Variants in XYLT1 observed in about 807,000 individuals in gnomAD.
XYLT1 encodes the protein beta-D-xylosyltransferase 1.
In XYLT1, 36 loss-of-function variants were observed where a neutral mutation model predicts 91.3. The ratio of observed to expected loss-of-function variants is 0.39; its 90% CI spans 0.30 to 0.52. XYLT1 has a LOEUF of 0.52. XYLT1 is among the 20% of genes least tolerant of loss of function. XYLT1 has a pLI of 0.68. For synonymous variants in XYLT1, 588 were observed against 532.0 expected (o/e 1.11, Z -1.45); for missense variants, 1,242 against 1,284.5 (o/e 0.97, Z 0.51).
intron 2 of XYLT1, among the ~76,000 whole-genome samples, chr16:17,309,206 G>A (rs1307127256): frequency 6.6e-6 from 1 of 152,138 alleles, no homozygotes; most frequent in Non-Finnish European, 1.5e-5. Flanking sequence ...CCTATGCAGT[G>A]TAGGATGTTG....
At chr16:17,111,290 G>A (rs1393018013) in intron 11 of XYLT1, among the ~76,000 whole-genome samples, 1 of 152,204 alleles carries the variant, frequency 6.6e-6, no homozygotes, top group African/African-American at 2.4e-5. Context: ...AATTTGGGGT[G>A]AAGGAAAGAA....
intron 2 of XYLT1, among the ~76,000 whole-genome samples, chr16:17,283,461 C>T (rs145066521): frequency 3.3e-4 from 51 of 152,250 alleles, no homozygotes; most frequent in South Asian, 4.1e-4. Flanking sequence ...TACACACACA[C>T]GCATGTGCAC....
At chr16:17,422,822 A>C (rs1390227734) in intron 1 of XYLT1, among the ~76,000 whole-genome samples, 3 of 152,118 alleles carry the variant, frequency 2.0e-5, no homozygotes, top group Non-Finnish European at 4.4e-5. Context: ...GGCCTCACAG[A>C]TATTTTTTAT....
chr16:17,120,913 CTCTACCAATCTGTCACATTA>C (rs2030028963), intron 10 of XYLT1, among the ~76,000 whole-genome samples: 1 of 152,220 alleles, frequency 6.6e-6, no homozygotes, highest in African/African-American at 2.4e-5. Flanking sequence ...TATCATCTAT[CTCTACCAATCTGTCACATTA>C]ATCTGTCAAC....
At chr16:17,401,574 G>C (rs981570228) in intron 1 of XYLT1, among the ~76,000 whole-genome samples, 10 of 152,088 alleles carry the variant, frequency 6.6e-5, no homozygotes, top group African/African-American at 2.4e-4. Flanking sequence ...CTTTGTCTCT[G>C]TTCCTATATC....
At chr16:17,236,020 C>A (rs887923496) in intron 3 of XYLT1, among the ~76,000 whole-genome samples, 1 of 152,142 alleles carries the variant, frequency 6.6e-6, no homozygotes, top group African/African-American at 2.4e-5. Context: ...GAGTGCGCCA[C>A]CACACCCAGC....
At chr16:17,380,601 T>C (rs1374712690) in intron 1 of XYLT1, among the ~76,000 whole-genome samples, 1 of 152,144 alleles carries the variant, frequency 6.6e-6, no homozygotes, top group Non-Finnish European at 1.5e-5. Flanking sequence ...AAATTAAATA[T>C]AGAAAAACTA....
At chr16:17,336,767 C>T (rs574864636) in intron 2 of XYLT1, among the ~76,000 whole-genome samples, 8 of 152,180 alleles carry the variant, frequency 5.3e-5, no homozygotes, top group Non-Finnish European at 1.0e-4. Context: ...CAGGGACTTT[C>T]GTATGTGTGT....
intron 10 of XYLT1, among the ~76,000 whole-genome samples, chr16:17,119,757 A>G (rs4453464): frequency 0.67 from 101,124 of 152,048 alleles, 34,274 homozygotes; most frequent in Non-Finnish European, 0.72. Flanking sequence ...CGCTATGGTC[A>G]GAGGGGGCAG....
intron 8 of XYLT1, 138 bp downstream of exon 8, chr16:17,138,206 TTGTTGATACTG>T (rs1445425351): frequency 2.3e-6 from 2 of 859,850 alleles, no homozygotes; most frequent in Non-Finnish European, 3.4e-6. Context: ...ACACTGGCTA[TTGTTGATACTG>T]TTAACTATTA....
At position 17,105,357 on chromosome 16, in the gene XYLT1, C is replaced by T. The variant is rs563882439; in HGVS notation, c.*3338G>A. On this transcript the variant is annotated 3_prime_UTR_variant, in exon 12 of 12. Transcript: ENST00000261381. ...GCTCATCCTCTCTAAACTCCATTTG[C>T]GTTTTAGAAGTTAAACCCACAATGA... is the stretch of plus-strand genomic sequence containing the variant. 2 of 152,172 alleles carry T rather than the reference C, an allele frequency of 1.3e-5. No homozygotes were observed. The highest frequency in any genetic ancestry group is 4.8e-5 in the African/African-American group (2 of 41,432). 9.4% of individuals were successfully genotyped at this position (152,172 alleles called of 1,614,324 possible). A position where few individuals can be genotyped will look rare whatever the true frequency, so the allele number is the denominator to read the frequency against.
At chr16:17,138,773 T>TAAC (rs1273006354) in intron 7 of XYLT1, 4 of 458,818 alleles carry the variant, frequency 8.7e-6, no homozygotes, top group African/African-American at 1.9e-5. Context: ...CAAAAATGTA[T>TAAC]AACACAACTA....
intron 3 of XYLT1, among the ~76,000 whole-genome samples, chr16:17,245,075 A>G (rs1262598098): frequency 6.6e-6 from 1 of 152,202 alleles, no homozygotes; most frequent in Non-Finnish European, 1.5e-5. Flanking sequence ...CTAAAGAAAA[A>G]CAAAAATGTA....
intron 1 of XYLT1, among the ~76,000 whole-genome samples, chr16:17,402,855 T>G (rs1225950797): frequency 6.6e-6 from 1 of 152,000 alleles, no homozygotes; most frequent in Non-Finnish European, 1.5e-5. Flanking sequence ...CAATCCTGCT[T>G]CAGCTTCCTG....
intron 1 of XYLT1, among the ~76,000 whole-genome samples, chr16:17,469,039 C>T (rs975512675): frequency 1.3e-5 from 2 of 152,146 alleles, no homozygotes; most frequent in African/African-American, 4.8e-5. Flanking sequence ...CACTATTCTC[C>T]CCGCAAATGA....
chr16:17,132,028 G>A (rs1054786553), intron 9 of XYLT1, among the ~76,000 whole-genome samples: 16 of 606 alleles, frequency 0.026, no homozygotes, highest in African/African-American at 0.061. Flanking sequence ...TGAATACTAG[G>A]GAGCAACCTT....
At chr16:17,396,616 A>T (rs1310106036) in intron 1 of XYLT1, among the ~76,000 whole-genome samples, 4 of 152,206 alleles carry the variant, frequency 2.6e-5, no homozygotes, top group Non-Finnish European at 5.9e-5. Flanking sequence ...CACGCCTATA[A>T]TCCCAACACT....
chr16:17,132,483 T>A (rs1020424195), intron 9 of XYLT1, among the ~76,000 whole-genome samples: 8 of 149,866 alleles, frequency 5.3e-5, no homozygotes, highest in African/African-American at 1.7e-4. Flanking sequence ...TGCATCATAA[T>A]GGCAACTGGC....
Position 17,469,352 on chromosome 16 carries a change from G to C in XYLT1, c.363+1082C>G, listed in dbSNP as rs564570524. On this transcript the variant is annotated intron_variant, in intron 1 of 11. Coordinates refer to ENST00000261381, the MANE Select transcript of XYLT1 (RefSeq NM_022166.4). ...CCTTGCAGACAAGTAGTGTGATGAA[G>C]AAACAGACAGACACACAACACATTG... is the stretch of plus-strand genomic sequence containing the variant. 7.2e-5 allele frequency among the ~76,000 whole-genome samples: 11 copies of C among 152,358 alleles called. No individual in the cohort carries two copies. The South Asian group carries it at 2.3e-3, about 32-fold the overall frequency.
Sources: allele counts gnomAD v4.1 joint callset (sites outside exome capture counted in the v4.1 genomes callset), GRCh38; gene constraint gnomAD v4.1.1; transcripts MANE v1.5; gene names NCBI Gene and HGNC (gene_info 2026-07-23, HGNC 2026-07-21).